VIT: variants seen among roughly 807,000 people sequenced by gnomAD.
VIT encodes vitrin.
A neutral mutation model predicts 78.0 loss-of-function variants in VIT; 99 were observed. That is an observed-to-expected ratio of 1.27 (90% CI 1.08 to 1.50). The LOEUF is 1.50. VIT is among the 40% of genes most tolerant of loss of function. The pLI is 0.00. For synonymous variants in VIT, 374 were observed against 334.3 expected (o/e 1.12, Z -1.29); for missense variants, 1,126 against 875.3 (o/e 1.29, Z -3.61).
At chr2:36,722,852 A>G (rs1179579694) in intron 2 of VIT, among the ~76,000 whole-genome samples, 1 of 152,172 alleles carries the variant, frequency 6.6e-6, no homozygotes, top group East Asian at 1.9e-4. Flanking sequence ...AATCATGCCA[A>G]TAATTTTAGA....
chr2:36,793,384 G>C lies in VIT; in HGVS notation c.1058+6108G>C, dbSNP rs138631929. Among the ~76,000 whole-genome samples, 461 of 152,318 alleles carry C rather than the reference G, an allele frequency of 3.0e-3. 1 individual carries two copies. The highest frequency in any genetic ancestry group is 0.011 in the African/African-American group (450 of 41,576). ...CTCTGATGGTGGGAAATGTGGAAAA[G>C]ACCAGTTCCCATTCATCGAGGGCTA... On this transcript the variant is annotated intron_variant, in intron 12 of 15. Coordinates refer to ENST00000379242, the MANE Select transcript of VIT (RefSeq NM_053276.4).
At chr2:36,797,660 G>A (rs964586000) in intron 12 of VIT, among the ~76,000 whole-genome samples, 2 of 152,274 alleles carry the variant, frequency 1.3e-5, no homozygotes, top group East Asian at 3.9e-4. Context: ...TCAAGAAAGG[G>A]GACCAACCAG....
intron 1 of VIT, among the ~76,000 whole-genome samples, chr2:36,697,200 T>G (rs1399828565): frequency 5.3e-5 from 8 of 152,218 alleles, no homozygotes; most frequent in Admixed American, 4.6e-4. Context: ...ATTAATATTA[T>G]AACAAGATTT....
intron 15 of VIT, among the ~76,000 whole-genome samples, chr2:36,812,982 C>A (rs1383936820): frequency 2.0e-5 from 3 of 147,706 alleles, no homozygotes; most frequent in African/African-American, 7.5e-5. Context: ...CTGTCTCAGC[C>A]TCCCGAGTAG....
chr2:36,787,790 C>T lies in VIT; in HGVS notation c.1058+514C>T, dbSNP rs77521172. ...TCTCTTTTCTCCAAATAACCTTAGG[C>T]CCCTGCACTGGTACTGGAAAAACTC... On this transcript the variant is annotated intron_variant, in intron 12 of 15. Transcript: ENST00000379242. The T allele has an allele frequency of 1.1e-3, 483 of 455,738 alleles. 11 individuals are homozygous for T. In the East Asian group the frequency reaches 0.026, roughly 25 times the overall value. The allele number at this position is 455,738 out of a possible 1,614,324, so 28.2% of individuals were successfully genotyped here.
At chr2:36,739,176 T>TA (rs984646194) in intron 3 of VIT, among the ~76,000 whole-genome samples, 3 of 152,102 alleles carry the variant, frequency 2.0e-5, no homozygotes, top group South Asian at 2.1e-4. Context: ...TCTTCTTCAT[T>TA]AAAAAAATAA....
Position 36,814,477 on chromosome 2 carries a change from C to A in VIT, c.*116C>A. On this transcript the variant is annotated 3_prime_UTR_variant, in exon 16 of 16. Transcript: ENST00000379242. ...AAGTCTTGGGCAGGGCATGGAGAAA[C>A]AAATGTCTTGTTATTATTCTTTGCC... 3 of 1,234,226 alleles carry A rather than the reference C, an allele frequency of 2.4e-6. No individual in the cohort carries two copies. Among genetic ancestry groups the A allele is most frequent in the Admixed American group, 2.6e-5 (1 of 39,024 alleles). The allele number at this position is 1,234,226 out of a possible 1,614,324, so 76.5% of individuals were successfully genotyped here.
Position 36,801,204 on chromosome 2 carries a change from C to T in VIT, c.1059-97C>T, listed in dbSNP as rs964472948. On this transcript the variant is annotated intron_variant, in intron 12 of 15. Transcript: ENST00000379242. ...GGCATAGCAGAAGGCTTTGAAGCAG[C>T]TTCTATTTGTATATAAAAGAATCAA... 16 of 1,120,574 alleles carry T rather than the reference C, an allele frequency of 1.4e-5. No homozygotes were observed. In the Admixed American group the frequency reaches 2.1e-4, roughly 15 times the overall value. The allele number at this position is 1,120,574 out of a possible 1,614,324, so 69.4% of individuals were successfully genotyped here. A position where few individuals can be genotyped will look rare whatever the true frequency, so the allele number is the denominator to read the frequency against.
intron 12 of VIT, among the ~76,000 whole-genome samples, chr2:36,787,554 C>T (rs116596029): frequency 5.3e-5 from 8 of 152,314 alleles, no homozygotes; most frequent in African/African-American, 1.4e-4. Context: ...AGGAGAGATG[C>T]GTGTGAGTGT....
At chr2:36,801,498 A>G in intron 13 of VIT, 94 bp downstream of exon 13, 4 of 1,147,462 alleles carry the variant, frequency 3.5e-6, no homozygotes, top group Non-Finnish European at 5.1e-6. Context: ...AGGAAAAAAT[A>G]ATAATAATCC....
intron 12 of VIT, among the ~76,000 whole-genome samples, chr2:36,791,131 T>C (rs1205097706): frequency 1.3e-5 from 2 of 152,220 alleles, no homozygotes; most frequent in Admixed American, 1.3e-4. Context: ...AGGGAACTGT[T>C]GGTTTTTTCT....
At chr2:36,709,425 C>T (rs1039558099) in intron 1 of VIT, among the ~76,000 whole-genome samples, 1 of 152,194 alleles carries the variant, frequency 6.6e-6, no homozygotes, top group Non-Finnish European at 1.5e-5. Flanking sequence ...ATATTACTGA[C>T]ACTTAGTATA....
rs1668793916 is a variant in VIT at position 36,756,796 on chromosome 2, G to A, written c.409+1742G>A. On this transcript the variant is annotated intron_variant, in intron 5 of 15. Coordinates refer to ENST00000379242, the MANE Select transcript of VIT (RefSeq NM_053276.4). Reference sequence around the variant, plus strand: ...TGAGACAGAGAGAAATATAATCTCCGCATAGGTGTTCACCAAGTAGATCCT... The same window carrying A: ...TGAGACAGAGAGAAATATAATCTCCACATAGGTGTTCACCAAGTAGATCCT... Among the ~76,000 whole-genome samples, 7 of 152,260 alleles carry A rather than the reference G, an allele frequency of 4.6e-5. No homozygotes were observed. The Middle Eastern group carries it at 0.02, about 444-fold the overall frequency.
At chr2:36,773,919 C>A in intron 8 of VIT, 72 bp downstream of exon 8, 2 of 1,452,458 alleles carry the variant, frequency 1.4e-6, no homozygotes, top group African/African-American at 1.4e-5. Flanking sequence ...CTCTCCACAT[C>A]TTTGCCATTT....
chr2:36,726,530 A>G (rs1269578882), intron 2 of VIT, among the ~76,000 whole-genome samples: 1 of 152,234 alleles, frequency 6.6e-6, no homozygotes, highest in Non-Finnish European at 1.5e-5. Flanking sequence ...TTCACTTTTT[A>G]ATGAATGGAG....
At chr2:36,769,057 G>T (rs937974764) in intron 7 of VIT, among the ~76,000 whole-genome samples, 2 of 152,160 alleles carry the variant, frequency 1.3e-5, no homozygotes, top group Non-Finnish European at 2.9e-5. Context: ...ATTAACACAG[G>T]TGCACAATAC....
At chr2:36,710,386 C>T (rs542087262) in intron 1 of VIT, among the ~76,000 whole-genome samples, 1 of 152,310 alleles carries the variant, frequency 6.6e-6, no homozygotes, top group South Asian at 2.1e-4. Flanking sequence ...GCCTCCTACT[C>T]TCTAGGCATG....
intron 7 of VIT, 41 bp from the exon 8 acceptor site, chr2:36,773,750 T>C (rs747898777): frequency 1.4e-6 from 2 of 1,441,686 alleles, no homozygotes; most frequent in Non-Finnish European, 1.8e-6. Flanking sequence ...ATTAATTAAT[T>C]AAATAAAATT....
At chr2:36,736,016 G>C (rs1667489989) in intron 3 of VIT, among the ~76,000 whole-genome samples, 1 of 152,152 alleles carries the variant, frequency 6.6e-6, no homozygotes, top group African/African-American at 2.4e-5. Flanking sequence ...CCAAGGTAAA[G>C]TTTACCTTAC....
Sources: gnomAD v4.1 joint callset for allele counts (sites outside exome capture counted in the v4.1 genomes callset) on GRCh38, gnomAD v4.1.1 for gene constraint, MANE v1.5 for transcripts, NCBI Gene and HGNC (gene_info 2026-07-23, HGNC 2026-07-21) for gene names.